HIP1: variants seen among roughly 807,000 people sequenced by gnomAD.
HIP1 encodes the protein huntingtin-interacting protein 1.
HIP1 carries 65 observed loss-of-function variants against 147.6 expected under a neutral mutation model. That is an observed-to-expected ratio of 0.44 (90% CI 0.36 to 0.54). HIP1 has a LOEUF of 0.54. HIP1 is among the 20% of genes least tolerant of loss of function. HIP1 has a pLI of 0.00. For synonymous variants in HIP1, 479 were observed against 504.0 expected (o/e 0.95, Z 0.67); for missense variants, 1,061 against 1,299.6 (o/e 0.82, Z 2.82).
chr7:75,539,573 G>A (rs1554489465), intron 29 of HIP1, 142 bp from the exon 30 acceptor site: 5 of 623,224 alleles, frequency 8.0e-6, no homozygotes, highest in Non-Finnish European at 1.1e-5. Flanking sequence ...TCCTGTCTTG[G>A]CCTCCCAAAG....
At chr7:75,611,593 G>T (rs1024312508) in intron 1 of HIP1, 18 of 816,444 alleles carry the variant, frequency 2.2e-5, no homozygotes, top group Non-Finnish European at 2.4e-5. Context: ...AACTGTTCCC[G>T]CCCCGCCACA....
At chr7:75,597,507 A>C (rs587695188) in intron 2 of HIP1, among the ~76,000 whole-genome samples, 143 of 152,258 alleles carry the variant, frequency 9.4e-4, no homozygotes, top group African/African-American at 3.3e-3. Flanking sequence ...TGGGAGGCCA[A>C]GGCAGGAGGA....
chr7:75,599,564 C>T (rs1311019928), intron 1 of HIP1, among the ~76,000 whole-genome samples: 1 of 152,166 alleles, frequency 6.6e-6, no homozygotes, highest in Non-Finnish European at 1.5e-5. Context: ...AGATGCTTTT[C>T]ATCCCCCAGG....
intron 1 of HIP1, among the ~76,000 whole-genome samples, chr7:75,703,843 A>G (rs782140811): frequency 6.6e-6 from 1 of 152,166 alleles, no homozygotes; most frequent in Non-Finnish European, 1.5e-5. Flanking sequence ...GGATAAACAA[A>G]TCAGCTCTAA....
At chr7:75,725,099 C>T (rs903015981) in intron 1 of HIP1, among the ~76,000 whole-genome samples, 1 of 152,040 alleles carries the variant, frequency 6.6e-6, no homozygotes, top group African/African-American at 2.4e-5. Context: ...CATCATAGCT[C>T]ACTGCAGCCT....
intron 24 of HIP1, among the ~76,000 whole-genome samples, chr7:75,547,488 G>A (rs1483920501): frequency 1.3e-5 from 2 of 151,956 alleles, no homozygotes; most frequent in African/African-American, 4.8e-5. Flanking sequence ...GGCTGGTCTC[G>A]AACTCCCGAC....
At chr7:75,562,728 G>A (rs1204895445) in intron 11 of HIP1, among the ~76,000 whole-genome samples, 2 of 152,174 alleles carry the variant, frequency 1.3e-5, no homozygotes, top group African/African-American at 2.4e-5. Flanking sequence ...GCAAAGTGTT[G>A]GGATTACAGC....
chr7:75,576,030 C>T (rs1283720980), intron 7 of HIP1, among the ~76,000 whole-genome samples: 3 of 152,302 alleles, frequency 2.0e-5, no homozygotes, highest in South Asian at 2.1e-4. Context: ...CTTCCTCAGG[C>T]TCCAACTGGC....
intron 1 of HIP1, among the ~76,000 whole-genome samples, chr7:75,622,444 T>C (rs1396663511): frequency 1.3e-5 from 2 of 152,002 alleles, no homozygotes; most frequent in Non-Finnish European, 2.9e-5. Context: ...CTCATGCCTG[T>C]AATCCCAGCA....
At chr7:75,571,253 T>A (rs188911374) in intron 8 of HIP1, among the ~76,000 whole-genome samples, 344 of 152,266 alleles carry the variant, frequency 2.3e-3, no homozygotes, top group Non-Finnish European at 3.7e-3. Flanking sequence ...AAAAAGGCAG[T>A]GGTGATGTTC....
chr7:75,710,380 AT>A (rs1216858846), intron 1 of HIP1, among the ~76,000 whole-genome samples: 14 of 152,000 alleles, frequency 9.2e-5, no homozygotes, highest in Admixed American at 1.3e-4. Flanking sequence ...ATGGTGTATA[AT>A]TTTTTTTAAT....
intron 1 of HIP1, among the ~76,000 whole-genome samples, chr7:75,713,589 C>T (rs1554520280): frequency 6.6e-6 from 1 of 152,146 alleles, no homozygotes; most frequent in Non-Finnish European, 1.5e-5. Context: ...GGAAACCATC[C>T]TGTCCTGTTC....
chr7:75,647,329 C>A (rs1183532588), intron 1 of HIP1, among the ~76,000 whole-genome samples: 1 of 148,170 alleles, frequency 6.7e-6, no homozygotes, highest in Non-Finnish European at 1.5e-5. Context: ...ACCCAGGAAG[C>A]AAAAGTTGCA....
At chr7:75,691,214 C>T (rs537152744) in intron 1 of HIP1, among the ~76,000 whole-genome samples, 2 of 152,302 alleles carry the variant, frequency 1.3e-5, no homozygotes, top group Admixed American at 1.3e-4. Context: ...AAGGGCCGGG[C>T]ATGGTGGCTC....
intron 1 of HIP1, among the ~76,000 whole-genome samples, chr7:75,614,837 G>C (rs1282940529): frequency 6.6e-6 from 1 of 152,044 alleles, no homozygotes; most frequent in African/African-American, 2.4e-5. Flanking sequence ...GCAGTGGCGC[G>C]ATCTCGGCGC....
intron 9 of HIP1, among the ~76,000 whole-genome samples, chr7:75,566,663 AAGCCCTGCCTCCAG>A (rs1387854251): frequency 6.6e-6 from 1 of 151,298 alleles, no homozygotes; most frequent in Non-Finnish European, 1.5e-5. Flanking sequence ...TCCGATGCCC[AAGCCCTGCCTCCAG>A]AGTCCAGTCT....
chr7:75,722,135 C>A (rs782679709), intron 1 of HIP1, among the ~76,000 whole-genome samples: 33 of 152,158 alleles, frequency 2.2e-4, no homozygotes, highest in South Asian at 8.3e-4. Flanking sequence ...GAGACCCCCC[C>A]ACGTCTCTAA....
intron 1 of HIP1, among the ~76,000 whole-genome samples, chr7:75,661,186 G>T (rs1276830661): frequency 6.6e-6 from 1 of 151,740 alleles, no homozygotes; most frequent in Admixed American, 6.6e-5. Flanking sequence ...GTTGAGAAGG[G>T]AGGATCACTT....
intron 1 of HIP1, among the ~76,000 whole-genome samples, chr7:75,726,438 C>G (rs1464750573): frequency 1.3e-5 from 2 of 152,058 alleles, no homozygotes; most frequent in African/African-American, 4.8e-5. Context: ...CACATGCCAC[C>G]ACACCTGGCT....
Sources: gnomAD v4.1 joint callset for allele counts (sites outside exome capture counted in the v4.1 genomes callset) on GRCh38, gnomAD v4.1.1 for gene constraint, MANE v1.5 for transcripts, NCBI Gene and HGNC (gene_info 2026-07-23, HGNC 2026-07-21) for gene names.